Variants in TRAK1 observed in about 807,000 individuals in gnomAD.
TRAK1 encodes the protein trafficking kinesin protein 1, also known as trafficking kinesin-binding protein 1.
In TRAK1, 33 loss-of-function variants were observed where a neutral mutation model predicts 92.1. The observed-to-expected ratio is 0.36, with a 90% CI of 0.27 to 0.48. The LOEUF (loss-of-function observed/expected upper bound fraction) is 0.48, where lower values mean the gene tolerates loss of function less well. TRAK1 is among the 20% of genes least tolerant of loss of function. TRAK1 has a pLI of 0.99. For missense variants in TRAK1, 1,123 were observed against 1,257.9 expected, an observed-to-expected ratio of 0.89 and a Z score of 1.62; for synonymous variants, 521 against 517.3, an observed-to-expected ratio of 1.01 and a Z score of -0.10.
At chr3:42,110,466 A>G (rs1038084330) in intron 1 of TRAK1, among the ~76,000 whole-genome samples, 2 of 151,982 alleles carry the variant, frequency 1.3e-5, no homozygotes, top group African/African-American at 4.8e-5. Context: ...AGTTCCTATG[A>G]AGTAGTCCTG....
chr3:42,044,660 G>T (rs540972549), intron 1 of TRAK1, among the ~76,000 whole-genome samples: 1 of 152,300 alleles, frequency 6.6e-6, no homozygotes, highest in African/African-American at 2.4e-5. Flanking sequence ...TGAGCTCCCT[G>T]GTAGAGCCGA....
intron 1 of TRAK1, among the ~76,000 whole-genome samples, chr3:42,112,135 CTTTTTT>C (rs1223261204): frequency 5.6e-5 from 4 of 71,066 alleles, no homozygotes; most frequent in African/African-American, 5.9e-5. Context: ...TCAGCTCTTA[CTTTTTT>C]TTTTTTTTTT....
At chr3:42,137,718 G>A (rs1346125346) in intron 2 of TRAK1, among the ~76,000 whole-genome samples, 1 of 152,144 alleles carries the variant, frequency 6.6e-6, no homozygotes, top group Admixed American at 6.5e-5. Context: ...CTCTGTGTGG[G>A]TTGGGTAACG....
intron 14 of TRAK1, chr3:42,218,564 G>T: frequency 3.0e-6 from 3 of 984,820 alleles, no homozygotes; most frequent in Non-Finnish European, 3.6e-6. Flanking sequence ...TATGAATGAG[G>T]ATGACCTCTG....
At chr3:42,218,792 C>G (rs1221175013) in intron 14 of TRAK1, 2 of 985,296 alleles carry the variant, frequency 2.0e-6, no homozygotes, top group Non-Finnish European at 2.4e-6. Context: ...AAGAAAGCAG[C>G]TAGCAGCTAG....
Position 42,156,167 on chromosome 3 carries a change from A to T in TRAK1, c.287-20647A>T, listed in dbSNP as rs189384614. Among the ~76,000 whole-genome samples the T allele has an allele frequency of 5.3e-5, 8 of 152,298 alleles. No homozygotes were observed. In the East Asian group the frequency reaches 1.4e-3, roughly 26 times the overall value. On this transcript the variant is annotated intron_variant, in intron 2 of 15. Transcript: ENST00000327628. ...TCCCTTGGTTGGCACAGGGATTCCC[A>T]GGCTTTCTTGCCGGTCTTTGGGGGT...
At chr3:42,027,026 T>C (rs932020226) in intron 1 of TRAK1, among the ~76,000 whole-genome samples, 1 of 152,176 alleles carries the variant, frequency 6.6e-6, no homozygotes, top group African/African-American at 2.4e-5. Flanking sequence ...TAATAAAATC[T>C]CAGAATGATG....
At chr3:42,037,151 A>G (rs1702356632) in intron 1 of TRAK1, among the ~76,000 whole-genome samples, 2 of 152,166 alleles carry the variant, frequency 1.3e-5, no homozygotes, top group African/African-American at 4.8e-5. Context: ...AGTGCAGTAG[A>G]TAATGCTGTG....
At chr3:42,084,038 A>G (rs776582535), upstream of TRAK1, among the ~76,000 whole-genome samples, 5 of 152,130 alleles carry the variant, frequency 3.3e-5, no homozygotes, top group Non-Finnish European at 5.9e-5. Flanking sequence ...AGAGTTTATT[A>G]TTAGTTTTTC....
upstream of TRAK1, among the ~76,000 whole-genome samples, chr3:42,082,759 C>T (rs1441149735): frequency 2.6e-5 from 4 of 152,086 alleles, no homozygotes; most frequent in African/African-American, 9.7e-5. Flanking sequence ...GTATTTCCAA[C>T]TTCTGTGTAT....
intron 1 of TRAK1, among the ~76,000 whole-genome samples, chr3:42,070,260 TATA>T (rs1156947908): frequency 6.8e-4 from 101 of 147,602 alleles, no homozygotes; most frequent in African/African-American, 1.8e-3. Context: ...TTATTATAAT[TATA>T]ATAATTATGA....
upstream of TRAK1, among the ~76,000 whole-genome samples, chr3:42,087,672 T>C (rs1025939080): frequency 6.6e-6 from 1 of 152,246 alleles, no homozygotes. Flanking sequence ...AGGTTAAAGA[T>C]GGTAACATCC....
At chr3:42,016,579 A>G (rs1701535751) in intron 1 of TRAK1, among the ~76,000 whole-genome samples, 1 of 152,088 alleles carries the variant, frequency 6.6e-6, no homozygotes, top group Admixed American at 6.5e-5. Flanking sequence ...GTGATTCTTG[A>G]ATTAACCATC....
chr3:42,201,115 T>C (rs1020809687), intron 12 of TRAK1, 61 bp downstream of exon 12: 10 of 1,530,894 alleles, frequency 6.5e-6, no homozygotes, highest in Non-Finnish European at 9.0e-6. Context: ...GTATGGATTG[T>C]CTGCAGGCTC....
In TRAK1 at chr3:42,021,257, G is replaced by C. The variant is rs184432167; in HGVS notation, c.-519+7140G>C. 5.3e-5 allele frequency among the ~76,000 whole-genome samples: 8 copies of C among 152,258 alleles called. No individual in the cohort carries two copies. In the East Asian group the frequency reaches 1.5e-3, roughly 29 times the overall value. On this transcript the variant is annotated intron_variant, in intron 1 of 16. Coordinates refer to the TRAK1 transcript ENST00000487159. ...CTGGCTTTCTTAGTAGAGAATAAAA[G>C]AGTGTCACCTAGACAGTGAGCATTT... is the stretch of plus-strand genomic sequence containing the variant.
chr3:42,046,384 C>T (rs1186996880), intron 1 of TRAK1, among the ~76,000 whole-genome samples: 2 of 151,130 alleles, frequency 1.3e-5, no homozygotes, highest in Non-Finnish European at 2.9e-5. Flanking sequence ...CGTTCAGGAA[C>T]TCCTAAGAGA....
chr3:42,175,969 C>T (rs1230910616), intron 2 of TRAK1, among the ~76,000 whole-genome samples: 1 of 152,214 alleles, frequency 6.6e-6, no homozygotes, highest in Non-Finnish European at 1.5e-5. Flanking sequence ...TAGAATAAAA[C>T]TTACGCTACC....
intron 2 of TRAK1, among the ~76,000 whole-genome samples, chr3:42,128,006 C>A (rs1710811522): frequency 6.6e-6 from 1 of 152,048 alleles, no homozygotes; most frequent in Non-Finnish European, 1.5e-5. Flanking sequence ...TGGAGAAACC[C>A]CATCTCTACT....
intron 1 of TRAK1, among the ~76,000 whole-genome samples, chr3:42,016,957 G>C (rs1701550227): frequency 6.6e-6 from 1 of 152,090 alleles, no homozygotes; most frequent in Non-Finnish European, 1.5e-5. Context: ...GTGACCCTTG[G>C]TTTTGAAAAT....
Sources: allele counts gnomAD v4.1 joint callset (sites outside exome capture counted in the v4.1 genomes callset), GRCh38; gene constraint gnomAD v4.1.1; transcripts MANE v1.5; gene names NCBI Gene and HGNC (gene_info 2026-07-23, HGNC 2026-07-21).